PCGF5: variants seen among roughly 807,000 people sequenced by gnomAD.
PCGF5 encodes the protein polycomb group ring finger 5, also known as polycomb group RING finger protein 5.
PCGF5 carries 9 observed loss-of-function variants against 44.3 expected under a neutral mutation model. The ratio of observed to expected loss-of-function variants is 0.20; its 90% CI spans 0.12 to 0.35. PCGF5 has a LOEUF of 0.35. PCGF5 is among the 10% of genes least tolerant of loss of function. The probability of loss-of-function intolerance (pLI) is 1.00; values close to 1 mark genes in which losing one functional copy is unlikely to be tolerated. For missense variants in PCGF5, 146 were observed against 305.3 expected, an observed-to-expected ratio of 0.48 and a Z score of 3.89; for synonymous variants, 95 against 102.5, an observed-to-expected ratio of 0.93 and a Z score of 0.44.
intron 1 of PCGF5, among the ~76,000 whole-genome samples, chr10:91,168,708 C>G (rs1843546023): frequency 6.6e-6 from 1 of 151,892 alleles, no homozygotes; most frequent in Admixed American, 6.5e-5. Flanking sequence ...GTGGGCAGAT[C>G]ATGAGGTCAA....
chr10:91,173,550 C>G, intron 1 of PCGF5, among the ~76,000 whole-genome samples: 1 of 114,844 alleles, frequency 8.7e-6, no homozygotes, highest in East Asian at 2.9e-4. Context: ...CCATGGGAAT[C>G]TTTTATTCTT....
the PCGF5 span, among the ~76,000 whole-genome samples, chr10:91,156,566 A>G: frequency 6.6e-6 from 1 of 152,240 alleles, no homozygotes; most frequent in Non-Finnish European, 1.5e-5. Flanking sequence ...AGGGGCAATC[A>G]GAGAATAAAT....
At chr10:91,205,939 T>C (rs1468807957) in intron 1 of PCGF5, among the ~76,000 whole-genome samples, 1 of 152,050 alleles carries the variant, frequency 6.6e-6, no homozygotes, top group Non-Finnish European at 1.5e-5. Context: ...GGAGAATTGC[T>C]TGAACCCGGG....
chr10:91,182,673 G>A (rs564200754), intron 1 of PCGF5, among the ~76,000 whole-genome samples: 5 of 151,980 alleles, frequency 3.3e-5, no homozygotes, highest in Non-Finnish European at 7.4e-5. Flanking sequence ...TTTTGATATG[G>A]GCATTTAGTG....
intron 6 of PCGF5, among the ~76,000 whole-genome samples, chr10:91,258,857 C>T (rs1230146683): frequency 6.6e-6 from 1 of 151,952 alleles, no homozygotes; most frequent in Non-Finnish European, 1.5e-5. Context: ...TGGTCTTTGC[C>T]AGGAAATATG....
chr10:91,264,237 A>G (rs888678231), intron 7 of PCGF5, among the ~76,000 whole-genome samples, 194 bp from the exon 8 acceptor site: 2 of 152,346 alleles, frequency 1.3e-5, no homozygotes, highest in Non-Finnish European at 1.5e-5. Context: ...TGTATATAGT[A>G]TACAGCATAG....
intron 8 of PCGF5, among the ~76,000 whole-genome samples, chr10:91,264,821 A>G (rs1340819225): frequency 6.6e-6 from 1 of 152,146 alleles, no homozygotes. Context: ...AAGTTGTTGG[A>G]ACATTTATGT....
chr10:91,267,167 C>T (rs973455226), intron 8 of PCGF5, among the ~76,000 whole-genome samples: 1 of 152,090 alleles, frequency 6.6e-6, no homozygotes, highest in East Asian at 1.9e-4. Context: ...TCAACCACAC[C>T]CCACTTGCCC....
intron 1 of PCGF5, among the ~76,000 whole-genome samples, chr10:91,168,646 C>T (rs913182037): frequency 2.0e-5 from 3 of 151,834 alleles, no homozygotes; most frequent in Admixed American, 1.3e-4. Context: ...AAAACAAAAC[C>T]GGCAGGGCAT....
chr10:91,178,001 C>T (rs1013193428), intron 1 of PCGF5, among the ~76,000 whole-genome samples: 3 of 152,194 alleles, frequency 2.0e-5, no homozygotes, highest in African/African-American at 7.2e-5. Context: ...TATTCTGCGT[C>T]GCTCACACTG....
At chr10:91,260,584 G>T (rs956534382) in intron 6 of PCGF5, among the ~76,000 whole-genome samples, 14 of 152,098 alleles carry the variant, frequency 9.2e-5, no homozygotes, top group Non-Finnish European at 1.9e-4. Flanking sequence ...CGATAAACTG[G>T]ATTAAGAAAA....
In PCGF5 at chr10:91,281,505, T is replaced by C. The variant is rs1846453741; in HGVS notation, c.*3189T>C. On this transcript the variant is annotated 3_prime_UTR_variant, in exon 10 of 10. Coordinates refer to ENST00000336126, the MANE Select transcript of PCGF5 (RefSeq NM_032373.5). ...AATTTACTGCATAAAGTTTGAGTTA[T>C]CTGTACCTGTCTCTTATGAATGGTT... is the stretch of plus-strand genomic sequence containing the variant. The C allele has an allele frequency of 2.0e-5, 3 of 152,600 alleles. No homozygotes were observed. The highest frequency in any genetic ancestry group is 3.8e-4 in the East Asian group (2 of 5,204). The allele number at this position is 152,600 out of a possible 1,614,324, so 9.5% of individuals were successfully genotyped here.
rs59254639 is a variant in PCGF5, at chr10:91,173,578, C to CTTTTTTTTTTTTTTTTTT, written c.-184+10514_-184+10515insTTTTTTTTTTTTTTTTTT. On this transcript the variant is annotated intron_variant, in intron 1 of 9. Coordinates refer to the PCGF5 transcript ENST00000614189. ...TTATTCTTCTGCTAGAGGGAGTTGG[C>CTTTTTTTTTTTTTTTTTT]TTTTTTTTTTTTTTTTTCCCACAGA... 1.5e-3 allele frequency among the ~76,000 whole-genome samples: 172 copies of CTTTTTTTTTTTTTTTTTT among 115,618 alleles called. 5 individuals are homozygous for CTTTTTTTTTTTTTTTTTT. Among genetic ancestry groups the CTTTTTTTTTTTTTTTTTT allele is most frequent in the East Asian group, 0.012 (45 of 3,660 alleles). 75.8% of individuals were successfully genotyped at this position (115,618 alleles called of 152,430 possible).
intron 1 of PCGF5, among the ~76,000 whole-genome samples, chr10:91,202,757 G>A (rs1844275770): frequency 6.6e-6 from 1 of 152,152 alleles, no homozygotes; most frequent in African/African-American, 2.4e-5. Context: ...GTTGGGGCAA[G>A]GGGTAGTTAG....
In PCGF5 at chr10:91,271,675, C is replaced by G. The variant is rs777886510; in HGVS notation, c.701C>G (p.Ser234Cys). The change falls in exon 9 of 10, where the codon TCT becomes TGT. Residue 234 changes from serine (S) to cysteine (C), a missense_variant. By Grantham distance (112) the Ser-to-Cys change is moderately radical (BLOSUM62 -1). Transcript: ENST00000336126. ...AACTGCTCAGCTTCGCAAGTCTGCT[C>G]TCAGGATGGCCCTTTGTATCAGGTA... ...CLNCSASQVCSQDGPLYQSYP... is the reference protein window; with the variant it reads ...CLNCSASQVCCQDGPLYQSYP... The G allele has an allele frequency of 5.0e-6, 8 of 1,613,928 alleles. No individual in the cohort carries two copies. The highest frequency in any genetic ancestry group is 5.9e-6 in the Non-Finnish European group (7 of 1,179,870).
chr10:91,162,799 A>G (rs1843409934), upstream of PCGF5, among the ~76,000 whole-genome samples: 1 of 150,168 alleles, frequency 6.7e-6, no homozygotes, highest in Non-Finnish European at 1.5e-5. Flanking sequence ...CTGTGCCCCG[A>G]GCCGGGCAGC....
At position 91,278,411 on chromosome 10, in the gene PCGF5, C is replaced by A; in HGVS notation, c.*95C>A. ...TAACGGTGTGTGGACTAGAGGAACA[C>A]AACCAGATTTTCAGCATGCAAATAA... On this transcript the variant is annotated 3_prime_UTR_variant, in exon 10 of 10. Transcript: ENST00000336126. The A allele has an allele frequency of 1.8e-6, 2 of 1,116,736 alleles. No individual in the cohort carries two copies. The highest frequency in any genetic ancestry group is 2.7e-6 in the Non-Finnish European group (2 of 736,044). 69.2% of individuals were successfully genotyped at this position (1,116,736 alleles called of 1,614,324 possible).
intron 1 of PCGF5, among the ~76,000 whole-genome samples, chr10:91,207,271 T>G (rs1844364779): frequency 6.6e-6 from 1 of 152,238 alleles, no homozygotes; most frequent in African/African-American, 2.4e-5. Flanking sequence ...GATGAGCCAT[T>G]TGTCATTGCA....
At chr10:91,270,608 A>G (rs759238321) in intron 8 of PCGF5, among the ~76,000 whole-genome samples, 31 of 152,162 alleles carry the variant, frequency 2.0e-4, no homozygotes, top group Non-Finnish European at 3.4e-4. Flanking sequence ...AAAAATTACT[A>G]AAGTATTTCG....
Sources: gnomAD v4.1 joint callset for allele counts (sites outside exome capture counted in the v4.1 genomes callset) on GRCh38, gnomAD v4.1.1 for gene constraint, MANE v1.5 for transcripts, NCBI Gene and HGNC (gene_info 2026-07-23, HGNC 2026-07-21) for gene names.